The following ERCC4 variants were observed in gnomAD, a reference collection of about 807,000 sequenced individuals.
The protein encoded by ERCC4 is DNA repair endonuclease XPF.
A neutral mutation model predicts 76.9 loss-of-function variants in ERCC4; 65 were observed. The observed-to-expected ratio is 0.84, with a 90% confidence interval of 0.69 to 1.04. The LOEUF (loss-of-function observed/expected upper bound fraction) is 1.04, where lower values mean the gene tolerates loss of function less well. Ranked by LOEUF, ERCC4 falls within the 50% of genes least tolerant of loss-of-function variation. The pLI, the probability that ERCC4 is intolerant of heterozygous loss-of-function variation, is 0.00. For synonymous variants in ERCC4, 463 were observed against 410.1 expected (o/e 1.13, Z -1.56); for missense variants, 1,214 against 1,128.2 (o/e 1.08, Z -1.09).
intron 10 of ERCC4, among the ~76,000 whole-genome samples, chr16:13,945,495 G>A (rs2141617726): frequency 6.6e-6 from 1 of 152,334 alleles, no homozygotes; most frequent in East Asian, 1.9e-4. Context: ...CATGAGAAAA[G>A]CAATACGATT....
chr16:13,926,346 T>C (rs1229721252), intron 2 of ERCC4, among the ~76,000 whole-genome samples: 2 of 152,214 alleles, frequency 1.3e-5, no homozygotes, highest in African/African-American at 4.8e-5. Context: ...TCATTTTTTC[T>C]TCTCAGCACT....
rs1263670792 is a variant in ERCC4 at position 13,949,655 on chromosome 16, A to G, written c.*1308A>G. On this transcript the variant is annotated 3_prime_UTR_variant, in exon 11 of 11. Coordinates refer to ENST00000311895, the MANE Select transcript of ERCC4 (RefSeq NM_005236.3). ...TATACGTTTAAAAATCCATAAAGAA[A>G]AAAATCTCATTCTAAACCTGATTAA... The G allele has an allele frequency of 6.0e-5, 14 of 232,868 alleles. No individual in the cohort carries two copies. The East Asian group carries it at 8.5e-4, about 14-fold the overall frequency. The allele number at this position is 232,868 out of a possible 1,614,324, so 14.4% of individuals were successfully genotyped here. A position where few individuals can be genotyped will look rare whatever the true frequency, so the allele number is the denominator to read the frequency against.
At position 13,949,073 on chromosome 16, in the gene ERCC4, G is replaced by C. The variant is rs2276464; in HGVS notation, c.*726G>C. 60,155 of 232,666 alleles carry C rather than the reference G, an allele frequency of 0.26. 8,163 individuals carry two copies. Among genetic ancestry groups the C allele is most frequent in the Middle Eastern group, 0.35 (273 of 784 alleles). The allele number at this position is 232,666 out of a possible 1,614,324, so 14.4% of individuals were successfully genotyped here. On this transcript the variant is annotated 3_prime_UTR_variant, in exon 11 of 11. Transcript: ENST00000311895. ...AGTCTCCTCAAAAACTGGTTGACTA[G>C]TCTTCTAATGACCCTAACATATGTA...
chr16:13,934,328 T>G, intron 7 of ERCC4, 26 bp downstream of exon 7: 2 of 1,473,980 alleles, frequency 1.4e-6, no homozygotes, highest in Non-Finnish European at 1.9e-6. Context: ...ATGAAAACAT[T>G]TGCTTCCAAA....
At chr16:13,933,726 T>C (rs1451359619) in intron 6 of ERCC4, 1 of 152,850 alleles carries the variant, frequency 6.5e-6, no homozygotes, top group Non-Finnish European at 1.5e-5. Flanking sequence ...AAAATCTTTT[T>C]AAAGAAAACT....
chr16:13,933,117 C>T, intron 6 of ERCC4: 1 of 357,140 alleles, frequency 2.8e-6, no homozygotes, highest in Non-Finnish European at 5.5e-6. Context: ...CTTATCGTCT[C>T]AGCTACTTGA....
At chr16:13,925,318 G>A (rs185103309) in intron 2 of ERCC4, among the ~76,000 whole-genome samples, 20 of 152,120 alleles carry the variant, frequency 1.3e-4, no homozygotes, top group African/African-American at 2.7e-4. Context: ...TTGACTCTAC[G>A]TAATATTTCA....
In ERCC4 at chr16:13,934,283, T is replaced by TGAA; in HGVS notation, c.1196_1198dup (p.Glu399dup). 6.2e-7 allele frequency: 1 copy of TGAA among 1,611,078 alleles called. No individual in the cohort carries two copies. The highest frequency in any genetic ancestry group is 8.5e-7 in the Non-Finnish European group (1 of 1,177,656). On this transcript the variant is annotated inframe_insertion, in exon 7 of 11. Transcript: ENST00000311895. ...AAATTGAGGCAGAAAATAAGGAGAG[T>TGAA]GAAGCTCTTGGTGGTCCAGGTAGGA...
At chr16:13,945,979 G>T (rs764806900) in intron 10 of ERCC4, among the ~76,000 whole-genome samples, 9 of 152,298 alleles carry the variant, frequency 5.9e-5, no homozygotes, top group Admixed American at 4.6e-4. Context: ...GTCCAAATGG[G>T]TTTCACAAGG....
intron 1 of ERCC4, among the ~76,000 whole-genome samples, chr16:13,920,817 A>G (rs2031959298): frequency 6.6e-6 from 1 of 151,888 alleles, no homozygotes; most frequent in South Asian, 2.1e-4. Flanking sequence ...CGGGTCCCTG[A>G]CACTGTGCAG....
chr16:13,935,789 A>G, intron 8 of ERCC4, 46 bp downstream of exon 8: 2 of 1,376,128 alleles, frequency 1.5e-6, no homozygotes, highest in Non-Finnish European at 2.1e-6. Context: ...GTTCTTTAGG[A>G]TTTAACCCAG....
chr16:13,949,408 A>AAAAAG lies in ERCC4; in HGVS notation c.*1075_*1079dup, dbSNP rs549984925. ...CAGAGTGAGACTTTGTCTCTATTAC[A>AAAAAG]AAAAGAAAAGAAAAGAAATACAACC... is the stretch of plus-strand genomic sequence containing the variant. On this transcript the variant is annotated 3_prime_UTR_variant, in exon 11 of 11. Transcript: ENST00000311895. 3.3e-3 allele frequency: 780 copies of AAAAAG among 233,196 alleles called. 4 individuals carry two copies. Among genetic ancestry groups the AAAAAG allele is most frequent in the African/African-American group, 0.016 (706 of 45,434 alleles). The allele number at this position is 233,196 out of a possible 1,614,324, so 14.4% of individuals were successfully genotyped here. A position where few individuals can be genotyped will look rare whatever the true frequency, so the allele number is the denominator to read the frequency against.
At chr16:13,920,412 G>A in intron 1 of ERCC4, 40 bp downstream of exon 1, 1 of 1,514,002 alleles carries the variant, frequency 6.6e-7, no homozygotes, top group Non-Finnish European at 8.9e-7. Flanking sequence ...GACTCCGAGA[G>A]TGTTGAGGGC....
intron 2 of ERCC4, 62 bp from the exon 3 acceptor site, chr16:13,926,499 G>A: frequency 7.1e-7 from 1 of 1,407,844 alleles, no homozygotes. Flanking sequence ...TAAGAAAAAT[G>A]TGATGAATGA....
intron 1 of ERCC4, among the ~76,000 whole-genome samples, chr16:13,920,849 G>C (rs2031959904): frequency 6.6e-6 from 1 of 151,912 alleles, no homozygotes; most frequent in Non-Finnish European, 1.5e-5. Flanking sequence ...ATGATGGAAG[G>C]GGTCCCGAGA....
At chr16:13,940,399 GA>G (rs1033933331) in intron 9 of ERCC4, among the ~76,000 whole-genome samples, 3 of 150,096 alleles carry the variant, frequency 2.0e-5, no homozygotes, top group East Asian at 1.9e-4. Flanking sequence ...AAAAAAAAAA[GA>G]AAAAAAAGAT....
chr16:13,928,072 A>T lies in ERCC4; in HGVS notation c.629A>T (p.Glu210Val). 6.2e-7 allele frequency: 1 copy of T among 1,613,818 alleles called. No individual in the cohort carries two copies. The highest frequency in any genetic ancestry group is 8.5e-7 in the Non-Finnish European group (1 of 1,179,864). The part of the protein sequence containing the change: ...VNSFLEQHKP[E>V]VVEIHVSMTP... ...TCATTTTTAGAACAGCACAAACCTGAAGTTGTAGAAATCCATGTTTCTATG... is the reference window on the plus strand; with the variant it reads ...TCATTTTTAGAACAGCACAAACCTGTAGTTGTAGAAATCCATGTTTCTATG... Residue 210 changes from glutamate (E) to valine (V), a missense_variant, in exon 4 of 11, where the codon GAA (glutamate) becomes GTA (valine). Coordinates refer to ENST00000311895, the MANE Select transcript of ERCC4 (RefSeq NM_005236.3).
In ERCC4 at chr16:13,920,279, G is replaced by C; in HGVS notation, c.114G>C (p.Gly38=). The C allele has an allele frequency of 6.2e-7, 1 of 1,605,714 alleles. No homozygotes were observed. Among genetic ancestry groups the C allele is most frequent in the Non-Finnish European group, 8.5e-7 (1 of 1,179,846 alleles). Residue 38 remains glycine (G), a synonymous_variant, in exon 1 of 11, where the codon GGG becomes GGC. Transcript: ENST00000311895. ...DTDGLVVCAR[G]LGADRLLYHF... Reference sequence around the variant, plus strand: ...ACGGGCTAGTAGTGTGCGCCCGCGGGCTCGGCGCGGACCGGCTCCTCTACC... The same window carrying C: ...ACGGGCTAGTAGTGTGCGCCCGCGGCCTCGGCGCGGACCGGCTCCTCTACC...
chr16:13,931,512 C>T (rs1422065726), intron 5 of ERCC4: 1 of 156,142 alleles, frequency 6.4e-6, no homozygotes, highest in East Asian at 1.9e-4. Context: ...AATGCCAGTA[C>T]ACTTTCATGG....
Sources: gnomAD v4.1 joint callset for allele counts (sites outside exome capture counted in the v4.1 genomes callset) on GRCh38, gnomAD v4.1.1 for gene constraint, MANE v1.5 for transcripts, NCBI Gene and HGNC (gene_info 2026-07-23, HGNC 2026-07-21) for gene names.